MSTO1: variants seen among roughly 807,000 people sequenced by gnomAD.
MSTO1 encodes protein misato homolog 1.
Under a neutral mutation model 55.7 loss-of-function variants are expected in MSTO1, and 24 were observed. The observed-to-expected ratio is 0.43, with a 90% CI of 0.31 to 0.61. The LOEUF (loss-of-function observed/expected upper bound fraction) is 0.61. Ranked by LOEUF, MSTO1 falls within the 20% of genes least tolerant of loss-of-function variation. MSTO1 has a pLI of 0.09. For missense variants in MSTO1, 363 were observed against 625.7 expected, an observed-to-expected ratio of 0.58 and a Z score of 4.48; for synonymous variants, 162 against 252.8, an observed-to-expected ratio of 0.64 and a Z score of 3.41.
chr1:155,578,672 G>A, the MSTO1 span, among the ~76,000 whole-genome samples: 3 of 151,012 alleles, frequency 2.0e-5, no homozygotes, highest in African/African-American at 4.9e-5. Flanking sequence ...CACCGCGCCC[G>A]GCTAATTTTT....
chr1:155,599,073 G>A, the MSTO1 span, among the ~76,000 whole-genome samples: 1 of 152,146 alleles, frequency 6.6e-6, no homozygotes, highest in Admixed American at 6.5e-5. Context: ...ACTTTGGAAA[G>A]CCGAGGCAGG....
At chr1:155,608,981 G>A (rs935220759), upstream of MSTO1, among the ~76,000 whole-genome samples, 2 of 149,546 alleles carry the variant, frequency 1.3e-5, no homozygotes, top group South Asian at 2.1e-4. Flanking sequence ...CCGCCACCAC[G>A]CCCGGCTACA....
upstream of MSTO1, among the ~76,000 whole-genome samples, chr1:155,609,243 A>ATATTTTTTTT (rs59756178): frequency 7.3e-5 from 4 of 54,590 alleles, no homozygotes; most frequent in Non-Finnish European, 9.0e-5. Flanking sequence ...ATATATATAT[A>ATATTTTTTTT]TTTTTTTTTT....
chr1:155,578,336 C>CT, the MSTO1 span, among the ~76,000 whole-genome samples: 1,341 of 44,250 alleles, frequency 0.03, 525 homozygotes, highest in African/African-American at 0.13. Context: ...AACTACCTTT[C>CT]TTTTTTTTTT....
At chr1:155,582,749 G>T in the MSTO1 span, among the ~76,000 whole-genome samples, 2 of 152,006 alleles carry the variant, frequency 1.3e-5, no homozygotes, top group Non-Finnish European at 2.9e-5. Context: ...ATGAGCCACC[G>T]CGCCCGGCCG....
At chr1:155,596,882 C>T in the MSTO1 span, among the ~76,000 whole-genome samples, 4 of 152,220 alleles carry the variant, frequency 2.6e-5, no homozygotes, top group African/African-American at 9.6e-5. Flanking sequence ...GTGGGAGGAT[C>T]CCTTGAGCTC....
chr1:155,586,544 C>T, the MSTO1 span: 2 of 279,410 alleles, frequency 7.2e-6, no homozygotes, highest in Admixed American at 8.6e-5. Flanking sequence ...TTTATATGTT[C>T]TAGATATTAC....
chr1:155,580,907 CAAAAAAAAA>C, the MSTO1 span, among the ~76,000 whole-genome samples: 1 of 91,712 alleles, frequency 1.1e-5, no homozygotes, highest in Admixed American at 1.2e-4. Context: ...GACTCTGTCT[CAAAAAAAAA>C]AAAAAAAAAA....
At chr1:155,599,448 G>C in the MSTO1 span, among the ~76,000 whole-genome samples, 2 of 152,102 alleles carry the variant, frequency 1.3e-5, no homozygotes, top group African/African-American at 4.8e-5. Context: ...TAACAATTCT[G>C]AGTACCCACA....
chr1:155,567,732 G>A, the MSTO1 span, among the ~76,000 whole-genome samples: 3 of 150,482 alleles, frequency 2.0e-5, no homozygotes, highest in African/African-American at 4.9e-5. Context: ...ACTGTGCCTC[G>A]CCAAGAGCCA....
chr1:155,565,491 C>T, the MSTO1 span, among the ~76,000 whole-genome samples: 3 of 152,030 alleles, frequency 2.0e-5, no homozygotes, highest in African/African-American at 7.3e-5. Context: ...GCCTGAGGCC[C>T]AGAGAAGTCC....
rs3863761 is a variant in MSTO1 at position 155,612,809 on chromosome 1, T to C, written c.967-35T>C. 6.2e-5 allele frequency: 100 copies of C among 1,611,632 alleles called. No individual in the cohort carries two copies. The African/African-American group carries it at 7.1e-4, about 11-fold the overall frequency. On this transcript the variant is annotated intron_variant, in intron 9 of 13. Coordinates refer to ENST00000245564, the MANE Select transcript of MSTO1 (RefSeq NM_018116.4). ...GCCTCCACACATTCTTTTCCAGGCC[T>C]GAGGCCAAGTGCCCATCTTGGTGTC...
upstream of MSTO1, among the ~76,000 whole-genome samples, chr1:155,606,198 C>CTTTTTTTTTTTTTTTTT (rs747681932): frequency 4.3e-4 from 12 of 28,110 alleles, no homozygotes; most frequent in Middle Eastern, 0.062. Context: ...CATGCCCAGC[C>CTTTTTTTTTTTTTTTTT]TTTTTTTTTT....
chr1:155,567,684 T>C, the MSTO1 span, among the ~76,000 whole-genome samples: 1 of 151,232 alleles, frequency 6.6e-6, no homozygotes, highest in African/African-American at 2.4e-5. Flanking sequence ...GATCCACCCG[T>C]CTTGGCCTCC....
At chr1:155,579,819 G>A in the MSTO1 span, among the ~76,000 whole-genome samples, 1 of 152,210 alleles carries the variant, frequency 6.6e-6, no homozygotes, top group South Asian at 2.1e-4. Flanking sequence ...GTTCTCGCCT[G>A]TAATCCCAGC....
chr1:155,604,126 C>T, the MSTO1 span, among the ~76,000 whole-genome samples: 1 of 152,108 alleles, frequency 6.6e-6, no homozygotes, highest in East Asian at 1.9e-4. Context: ...GTAGAAAATA[C>T]ATCAGGTCAT....
the MSTO1 span, chr1:155,590,638 C>T: frequency 2.5e-4 from 348 of 1,406,404 alleles, 1 homozygote; most frequent in African/African-American, 4.5e-3. Flanking sequence ...AGAGGTCCCC[C>T]GAGAGATGGC....
chr1:155,563,489 G>GT, the MSTO1 span: 1 of 456,476 alleles, frequency 2.2e-6, no homozygotes, highest in Non-Finnish European at 4.4e-6. Flanking sequence ...GAAGATCGGC[G>GT]TGGTGGTGTG....
At chr1:155,575,616 A>T in the MSTO1 span, among the ~76,000 whole-genome samples, 9 of 151,424 alleles carry the variant, frequency 5.9e-5, no homozygotes, top group African/African-American at 2.2e-4. Flanking sequence ...CTAATTTTTT[A>T]AATTTTTTGT....
Sources: gnomAD v4.1 joint callset for allele counts (sites outside exome capture counted in the v4.1 genomes callset) on GRCh38, gnomAD v4.1.1 for gene constraint, MANE v1.5 for transcripts, NCBI Gene and HGNC (gene_info 2026-07-23, HGNC 2026-07-21) for gene names.